The following KLF12 variants were observed in gnomAD, a reference collection of about 807,000 sequenced individuals.
KLF12 encodes KLF transcription factor 12.
In KLF12, 9 loss-of-function variants were observed where a neutral mutation model predicts 37.8. The ratio of observed to expected loss-of-function variants is 0.24; its 90% CI spans 0.14 to 0.42. KLF12 has a LOEUF of 0.42. Ranked by LOEUF, KLF12 falls within the 10% of genes least tolerant of loss-of-function variation. The pLI is 1.00. For missense variants in KLF12, 411 were observed against 516.0 expected (o/e 0.80, Z 1.97); for synonymous variants, 208 against 202.1 (o/e 1.03, Z -0.25).
the KLF12 span, among the ~76,000 whole-genome samples, chr13:74,169,663 C>T: frequency 9.2e-5 from 14 of 152,190 alleles, no homozygotes; most frequent in Non-Finnish European, 2.1e-4. Flanking sequence ...ATCCCTTTTA[C>T]ATATCCCATC....
chr13:73,832,282 A>C (rs1295303414), intron 4 of KLF12, among the ~76,000 whole-genome samples: 1 of 152,108 alleles, frequency 6.6e-6, no homozygotes. Context: ...TGAGTACCAA[A>C]GCTTTACGCT....
intron 2 of KLF12, among the ~76,000 whole-genome samples, chr13:73,982,916 C>G (rs1251395077): frequency 1.3e-5 from 2 of 151,574 alleles, no homozygotes; most frequent in Non-Finnish European, 2.9e-5. Context: ...ATTTTTCTTT[C>G]TTCTGTCACA....
At chr13:73,824,705 T>C (rs1883734041) in intron 4 of KLF12, among the ~76,000 whole-genome samples, 1 of 152,218 alleles carries the variant, frequency 6.6e-6, no homozygotes, top group South Asian at 2.1e-4. Context: ...TCCACATTAA[T>C]TCTGTTTGGT....
At chr13:74,106,866 G>C (rs1876676841) in intron 1 of KLF12, among the ~76,000 whole-genome samples, 1 of 151,666 alleles carries the variant, frequency 6.6e-6, no homozygotes, top group South Asian at 2.1e-4. Flanking sequence ...GTAAAATCTT[G>C]GTAAGAAAGT....
intron 1 of KLF12, among the ~76,000 whole-genome samples, chr13:74,050,941 C>T (rs992378707): frequency 6.6e-6 from 1 of 152,136 alleles, no homozygotes; most frequent in Non-Finnish European, 1.5e-5. Context: ...TGAAAAGGTG[C>T]TCAACACAAC....
the KLF12 span, among the ~76,000 whole-genome samples, chr13:74,240,214 G>A: frequency 6.6e-6 from 1 of 150,756 alleles, no homozygotes; most frequent in Non-Finnish European, 1.5e-5. Context: ...GCTTAGTTTG[G>A]CTGGATATGA....
At chr13:74,269,434 AAT>A in the KLF12 span, among the ~76,000 whole-genome samples, 1 of 152,178 alleles carries the variant, frequency 6.6e-6, no homozygotes, top group Non-Finnish European at 1.5e-5. Context: ...CAGGCTGAAC[AAT>A]ATTTATGTGT....
chr13:73,987,703 G>C (rs1891860057), intron 2 of KLF12, among the ~76,000 whole-genome samples: 1 of 139,322 alleles, frequency 7.2e-6, no homozygotes. Context: ...AAGTGGGAGA[G>C]GAGAGAGAAA....
intron 1 of KLF12, among the ~76,000 whole-genome samples, chr13:74,058,557 T>C (rs919548540): frequency 4.6e-5 from 7 of 151,222 alleles, no homozygotes; most frequent in African/African-American, 1.5e-4. Flanking sequence ...GGGGTTTCAC[T>C]GTGTTAGCCA....
chr13:74,158,366 G>A, the KLF12 span, among the ~76,000 whole-genome samples: 1 of 152,220 alleles, frequency 6.6e-6, no homozygotes, highest in African/African-American at 2.4e-5. Flanking sequence ...CTGCCGCCAG[G>A]ATTGGGGAAG....
rs560644933 is a variant in KLF12, at chr13:73,877,526, T to G, written c.124-31153A>C. Among the ~76,000 whole-genome samples, 16 of 152,320 alleles carry G rather than the reference T, an allele frequency of 1.1e-4. No individual in the cohort carries two copies. In the East Asian group the frequency reaches 3.1e-3, roughly 29 times the overall value. ...AATTATAGTGAGTGACCACACAGCTTTATGTGGACATTGTCTATCAGCATT... is the reference window on the plus strand; with the variant it reads ...AATTATAGTGAGTGACCACACAGCTGTATGTGGACATTGTCTATCAGCATT... On this transcript the variant is annotated intron_variant, in intron 3 of 7. Transcript: ENST00000377669.
intron 4 of KLF12, among the ~76,000 whole-genome samples, chr13:73,835,133 A>T (rs1008919196): frequency 2.0e-5 from 3 of 152,048 alleles, no homozygotes; most frequent in Non-Finnish European, 4.4e-5. Flanking sequence ...AAGTCTAAAA[A>T]CAAAGTAGAT....
At chr13:74,135,086 C>T (rs909089610), upstream of KLF12, among the ~76,000 whole-genome samples, 32 of 151,288 alleles carry the variant, frequency 2.1e-4, no homozygotes, top group Non-Finnish European at 4.3e-4. Flanking sequence ...CCGGGCGCGG[C>T]AGGCAGGGGA....
At chr13:74,119,497 A>G (rs1031295846) in intron 1 of KLF12, among the ~76,000 whole-genome samples, 11 of 152,202 alleles carry the variant, frequency 7.2e-5, no homozygotes, top group Non-Finnish European at 1.5e-4. Flanking sequence ...AGGAAAGGGT[A>G]GAACATGCAT....
intron 1 of KLF12, among the ~76,000 whole-genome samples, chr13:74,100,999 G>T (rs1176353948): frequency 6.6e-6 from 1 of 152,096 alleles, no homozygotes; most frequent in East Asian, 1.9e-4. Flanking sequence ...CACCAAAGAA[G>T]AATCTGAAGG....
At chr13:74,048,008 G>C (rs1037963605) in intron 1 of KLF12, among the ~76,000 whole-genome samples, 2 of 152,196 alleles carry the variant, frequency 1.3e-5, no homozygotes, top group African/African-American at 4.8e-5. Context: ...GTACATTCCA[G>C]CTCATAGCTC....
chr13:74,108,688 TTATAA>T (rs1329792716), intron 1 of KLF12, among the ~76,000 whole-genome samples: 2 of 152,156 alleles, frequency 1.3e-5, no homozygotes, highest in African/African-American at 4.8e-5. Context: ...CACTATATTC[TTATAA>T]TAAAGTAAAC....
At chr13:73,768,239 G>T (rs946887374) in intron 5 of KLF12, among the ~76,000 whole-genome samples, 2 of 152,128 alleles carry the variant, frequency 1.3e-5, no homozygotes, top group Non-Finnish European at 2.9e-5. Flanking sequence ...GGGCTGCGAG[G>T]TTTAAATCAG....
upstream of KLF12, among the ~76,000 whole-genome samples, chr13:74,135,139 C>T (rs1046175377): frequency 4.0e-5 from 6 of 151,862 alleles, no homozygotes; most frequent in Admixed American, 2.0e-4. Context: ...GCGGGCGAAG[C>T]GGGGGCGCCC....
Sources: allele counts gnomAD v4.1 joint callset (sites outside exome capture counted in the v4.1 genomes callset), GRCh38; gene constraint gnomAD v4.1.1; transcripts MANE v1.5; gene names NCBI Gene and HGNC (gene_info 2026-07-23, HGNC 2026-07-21).